Variants in RBFOX1 observed in about 807,000 individuals in gnomAD.
RBFOX1 encodes RNA binding fox-1 homolog 1.
A neutral mutation model predicts 57.7 loss-of-function variants in RBFOX1; 8 were observed. The observed-to-expected ratio is 0.14, with a 90% confidence interval of 0.08 to 0.25. The LOEUF (loss-of-function observed/expected upper bound fraction) is 0.25. Ranked by LOEUF, RBFOX1 falls within the 10% of genes least tolerant of loss-of-function variation. RBFOX1 has a pLI of 1.00. For synonymous variants in RBFOX1, 326 were observed against 222.4 expected (o/e 1.47, Z -4.15); for missense variants, 611 against 548.5 (o/e 1.11, Z -1.14).
At chr16:5,462,380 G>A (rs2068818958) in intron 1 of RBFOX1, among the ~76,000 whole-genome samples, 1 of 151,976 alleles carries the variant, frequency 6.6e-6, no homozygotes. Context: ...GTGTTGGCCA[G>A]GCTGGTCTTG....
At chr16:7,439,578 T>C (rs2098749922) in intron 4 of RBFOX1, among the ~76,000 whole-genome samples, 2 of 152,192 alleles carry the variant, frequency 1.3e-5, no homozygotes, top group African/African-American at 2.4e-5. Context: ...GAGGAGAGCA[T>C]TTAATCCATG....
At chr16:6,121,067 A>G (rs146972798) in intron 1 of RBFOX1, among the ~76,000 whole-genome samples, 1 of 152,216 alleles carries the variant, frequency 6.6e-6, no homozygotes, top group Non-Finnish European at 1.5e-5. Flanking sequence ...CTAATATTAC[A>G]ATCAACCATA....
At chr16:6,787,685 CATG>C (rs1243625768) in intron 3 of RBFOX1, among the ~76,000 whole-genome samples, 5 of 152,252 alleles carry the variant, frequency 3.3e-5, no homozygotes, top group African/African-American at 1.2e-4. Flanking sequence ...CTGAGTGATT[CATG>C]ATCGTAGCAT....
chr16:6,869,161 A>C (rs17234371), intron 3 of RBFOX1, among the ~76,000 whole-genome samples: 3 of 152,086 alleles, frequency 2.0e-5, no homozygotes, highest in African/African-American at 4.8e-5. Context: ...CTTACCTGTC[A>C]TATCTTCTGC....
intron 3 of RBFOX1, among the ~76,000 whole-genome samples, chr16:5,656,126 T>G (rs907149981): frequency 6.6e-6 from 1 of 152,318 alleles, no homozygotes; most frequent in Non-Finnish European, 1.5e-5. Context: ...CTTGAATGAT[T>G]TGGGGCTTAG....
At chr16:6,135,143 T>A (rs181970703) in intron 1 of RBFOX1, among the ~76,000 whole-genome samples, 30 of 152,144 alleles carry the variant, frequency 2.0e-4, no homozygotes, top group African/African-American at 6.5e-4. Context: ...ATGGTTATGG[T>A]AGTAGGTTTT....
At chr16:6,297,555 T>G (rs1280083865) in intron 1 of RBFOX1, among the ~76,000 whole-genome samples, 3 of 152,110 alleles carry the variant, frequency 2.0e-5, no homozygotes, top group Non-Finnish European at 4.4e-5. Context: ...TGTACAGTAG[T>G]CAGGGAAATA....
At chr16:6,039,966 A>G (rs2152412729) in intron 1 of RBFOX1, among the ~76,000 whole-genome samples, 1 of 152,320 alleles carries the variant, frequency 6.6e-6, no homozygotes, top group South Asian at 2.1e-4. Context: ...GTGCCATGAT[A>G]GAGAGGTGCT....
intron 1 of RBFOX1, among the ~76,000 whole-genome samples, chr16:6,248,583 G>A (rs2097583290): frequency 6.6e-6 from 1 of 152,154 alleles, no homozygotes; most frequent in African/African-American, 2.4e-5. Context: ...GCAAATTGGG[G>A]AGGGTTTTAC....
At chr16:6,259,740 C>T (rs886982978) in intron 1 of RBFOX1, among the ~76,000 whole-genome samples, 2 of 152,000 alleles carry the variant, frequency 1.3e-5, no homozygotes, top group African/African-American at 4.8e-5. Flanking sequence ...GATGGATCAC[C>T]TGAGGTCAGG....
intron 2 of RBFOX1, among the ~76,000 whole-genome samples, chr16:6,532,585 T>C (rs2153819765): frequency 6.6e-6 from 1 of 152,292 alleles, no homozygotes; most frequent in African/African-American, 2.4e-5. Context: ...ATGGAGATCA[T>C]TCCTGCAGAG....
intron 1 of RBFOX1, among the ~76,000 whole-genome samples, chr16:5,271,754 T>A (rs540344302): frequency 6.6e-6 from 1 of 152,326 alleles, no homozygotes; most frequent in South Asian, 2.1e-4. Flanking sequence ...ATCCCCTACC[T>A]TTCCTGCGCC....
intron 3 of RBFOX1, among the ~76,000 whole-genome samples, chr16:6,727,130 A>G (rs1459219938): frequency 6.7e-6 from 1 of 150,340 alleles, no homozygotes; most frequent in African/African-American, 2.4e-5. Context: ...GTGTGTATAT[A>G]TAAAACATGT....
intron 4 of RBFOX1, among the ~76,000 whole-genome samples, chr16:7,433,670 A>G (rs541215355): frequency 1.3e-5 from 2 of 152,342 alleles, no homozygotes; most frequent in South Asian, 4.1e-4. Flanking sequence ...TATCAGAGAT[A>G]GAAAAATTCA....
At chr16:7,247,743 C>G (rs1032812854) in intron 4 of RBFOX1, among the ~76,000 whole-genome samples, 9 of 152,134 alleles carry the variant, frequency 5.9e-5, no homozygotes, top group African/African-American at 1.9e-4. Context: ...AGTACATTTC[C>G]ATTGCAGGGA....
chr16:6,937,671 C>G (rs552820943), intron 3 of RBFOX1, among the ~76,000 whole-genome samples: 1 of 152,022 alleles, frequency 6.6e-6, no homozygotes, highest in Non-Finnish European at 1.5e-5. Flanking sequence ...GTGCGATGGG[C>G]TTCCACGTTA....
At chr16:7,328,416 G>A (rs1403158787) in intron 4 of RBFOX1, among the ~76,000 whole-genome samples, 3 of 145,380 alleles carry the variant, frequency 2.1e-5, no homozygotes, top group Non-Finnish European at 3.0e-5. Flanking sequence ...GGTGGCAGAG[G>A]TTGCAGTGAG....
intron 4 of RBFOX1, among the ~76,000 whole-genome samples, chr16:7,259,938 C>G (rs114229444): frequency 0.013 from 2,003 of 152,214 alleles, 47 homozygotes; most frequent in African/African-American, 0.046. Flanking sequence ...TTTATACTGT[C>G]ATTATCCCTC....
intron 3 of RBFOX1, among the ~76,000 whole-genome samples, chr16:6,915,758 C>A (rs1035294692): frequency 6.6e-6 from 1 of 152,026 alleles, no homozygotes; most frequent in African/African-American, 2.4e-5. Context: ...TGCCATGTTG[C>A]CCATGCTGCC....
Sources: gnomAD v4.1 joint callset for allele counts (sites outside exome capture counted in the v4.1 genomes callset) on GRCh38, gnomAD v4.1.1 for gene constraint, MANE v1.5 for transcripts, NCBI Gene and HGNC (gene_info 2026-07-23, HGNC 2026-07-21) for gene names.